SLC4A4: variants seen among roughly 807,000 people sequenced by gnomAD.
The protein encoded by SLC4A4 is electrogenic sodium bicarbonate cotransporter 1.
A neutral mutation model predicts 111.5 loss-of-function variants in SLC4A4; 27 were observed. That is an observed-to-expected ratio of 0.24 (90% CI 0.18 to 0.33). SLC4A4 has a LOEUF of 0.33. SLC4A4 is among the 10% of genes least tolerant of loss of function. The probability of loss-of-function intolerance (pLI) is 1.00; values close to 1 mark genes in which losing one functional copy is unlikely to be tolerated. For synonymous variants in SLC4A4, 443 were observed against 463.4 expected, an observed-to-expected ratio of 0.96 and a Z score of 0.57; for missense variants, 909 against 1,315.5, an observed-to-expected ratio of 0.69 and a Z score of 4.78.
chr4:71,539,989 C>T (rs1432774214), intron 18 of SLC4A4, among the ~76,000 whole-genome samples: 1 of 152,154 alleles, frequency 6.6e-6, no homozygotes, highest in African/African-American at 2.4e-5. Flanking sequence ...GTCATCACTG[C>T]AGGGAGTTTT....
intron 6 of SLC4A4, among the ~76,000 whole-genome samples, chr4:71,387,889 A>G (rs1718901893): frequency 6.6e-6 from 1 of 151,440 alleles, no homozygotes; most frequent in Non-Finnish European, 1.5e-5. Context: ...TGATGTCTAC[A>G]TATATATGGA....
intron 8 of SLC4A4, among the ~76,000 whole-genome samples, chr4:71,446,748 G>T (rs538066171): frequency 3.9e-5 from 6 of 152,288 alleles, no homozygotes; most frequent in African/African-American, 1.4e-4. Context: ...TTATCTCCCC[G>T]TTAGGTGATA....
At chr4:71,266,561 T>C (rs886652983) in intron 3 of SLC4A4, among the ~76,000 whole-genome samples, 2 of 152,234 alleles carry the variant, frequency 1.3e-5, no homozygotes, top group African/African-American at 2.4e-5. Flanking sequence ...TAGGGACTTT[T>C]ACTCTTTTCT....
chr4:71,243,744 G>T (rs925596218), intron 2 of SLC4A4, among the ~76,000 whole-genome samples: 12 of 152,242 alleles, frequency 7.9e-5, no homozygotes, highest in African/African-American at 2.9e-4. Context: ...TAGCTGAAAA[G>T]TTTTCAAATC....
At chr4:71,098,028 A>G (rs1742609377) in intron 2 of SLC4A4, among the ~76,000 whole-genome samples, 1 of 152,066 alleles carries the variant, frequency 6.6e-6, no homozygotes, top group Non-Finnish European at 1.5e-5. Context: ...CTCGTGTTTA[A>G]TTGGATCACA....
At chr4:71,086,749 TA>T (rs1430952804) in intron 1 of SLC4A4, among the ~76,000 whole-genome samples, 1 of 152,108 alleles carries the variant, frequency 6.6e-6, no homozygotes, top group Non-Finnish European at 1.5e-5. Context: ...ATCCCAGGGA[TA>T]AAGCCCACTT....
At chr4:71,458,887 T>G (rs1726541929) in intron 12 of SLC4A4, among the ~76,000 whole-genome samples, 1 of 151,680 alleles carries the variant, frequency 6.6e-6, no homozygotes, top group South Asian at 2.1e-4. Flanking sequence ...CTCCTTGAAG[T>G]GAAAATATAA....
intron 3 of SLC4A4, among the ~76,000 whole-genome samples, chr4:71,309,900 T>C (rs1319961747): frequency 2.0e-5 from 3 of 152,120 alleles, no homozygotes; most frequent in Non-Finnish European, 4.4e-5. Flanking sequence ...TAAAGAAGCA[T>C]GTTCTAACCC....
rs1400331663 is a variant in SLC4A4 at position 71,277,581 on chromosome 4, CTTCCTTCT to C, written c.253+22186_253+22193del. ...CTCTTTTTCTTTCCTTCCTTCCTTC[CTTCCTTCT>C]TTCTTTCTCTCTCTCTCCTTCCTTC... On this transcript the variant is annotated intron_variant, in intron 3 of 25. Transcript: ENST00000264485. 1.4e-3 allele frequency among the ~76,000 whole-genome samples: 193 copies of C among 139,800 alleles called. 1 individual carries two copies. The East Asian group carries it at 0.023, about 17-fold the overall frequency. 91.7% of individuals were successfully genotyped at this position (139,800 alleles called of 152,430 possible). A position where few individuals can be genotyped will look rare whatever the true frequency, so the allele number is the denominator to read the frequency against.
At chr4:71,095,699 A>G (rs1291678728) in intron 2 of SLC4A4, among the ~76,000 whole-genome samples, 3 of 152,204 alleles carry the variant, frequency 2.0e-5, no homozygotes. Context: ...CAAGAAGGGT[A>G]TGGCTCCTAC....
intron 7 of SLC4A4, among the ~76,000 whole-genome samples, chr4:71,419,938 T>C (rs1055850363): frequency 6.6e-6 from 1 of 152,232 alleles, no homozygotes; most frequent in Middle Eastern, 3.4e-3. Context: ...GCACCTCTCC[T>C]CCTCCAAAGG....
chr4:71,078,211 GCATT>G (rs562076848), intron 1 of SLC4A4, among the ~76,000 whole-genome samples: 6 of 152,144 alleles, frequency 3.9e-5, no homozygotes, highest in African/African-American at 9.6e-5. Context: ...TGTACAATTA[GCATT>G]CATTCATTCA....
chr4:71,410,940 G>GT (rs1238655852), intron 7 of SLC4A4, among the ~76,000 whole-genome samples: 2 of 152,118 alleles, frequency 1.3e-5, no homozygotes, highest in African/African-American at 4.8e-5. Flanking sequence ...AAACTATTGT[G>GT]ATTTTTTAAG....
At chr4:71,155,785 GT>G in intron 2 of SLC4A4, among the ~76,000 whole-genome samples, 1 of 152,052 alleles carries the variant, frequency 6.6e-6, no homozygotes, top group African/African-American at 2.4e-5. Context: ...CTGTATTTCT[GT>G]TTTATTGTTG....
intron 2 of SLC4A4, among the ~76,000 whole-genome samples, chr4:71,128,193 T>C (rs1274578886): frequency 1.3e-5 from 2 of 152,288 alleles, no homozygotes; most frequent in East Asian, 3.9e-4. Context: ...CTCACAATCA[T>C]GGTGGAAGGC....
intron 4 of SLC4A4, among the ~76,000 whole-genome samples, chr4:71,340,080 C>T (rs552166464): frequency 6.6e-5 from 10 of 151,932 alleles, no homozygotes; most frequent in South Asian, 2.1e-4. Flanking sequence ...AAAAATCAGC[C>T]GGGCATGGTG....
At chr4:71,235,736 T>C (rs1719754162) in intron 1 of SLC4A4, among the ~76,000 whole-genome samples, 1 of 152,124 alleles carries the variant, frequency 6.6e-6, no homozygotes, top group South Asian at 2.1e-4. Flanking sequence ...GATTCTGAGG[T>C]CTTATTTAGC....
chr4:71,238,905 G>C (rs1719992314), intron 2 of SLC4A4, among the ~76,000 whole-genome samples: 1 of 152,066 alleles, frequency 6.6e-6, no homozygotes, highest in Non-Finnish European at 1.5e-5. Flanking sequence ...GCACATCCAT[G>C]GTTCCAGTGA....
intron 2 of SLC4A4, 26 bp from the exon 3 acceptor site, chr4:71,255,194 A>C (rs1721354784): frequency 1.2e-6 from 2 of 1,609,236 alleles, no homozygotes; most frequent in African/African-American, 2.7e-5. Context: ...GTTTGAACTG[A>C]CTGGTGATTT....
Sources: allele counts gnomAD v4.1 joint callset (sites outside exome capture counted in the v4.1 genomes callset), GRCh38; gene constraint gnomAD v4.1.1; transcripts MANE v1.5; gene names NCBI Gene and HGNC (gene_info 2026-07-23, HGNC 2026-07-21).